DUS2: variants seen among roughly 807,000 people sequenced by gnomAD.
The protein encoded by DUS2 is dihydrouridine synthase 2, also known as tRNA-dihydrouridine(20) synthase [NAD(P)+]-like.
In DUS2, 52 loss-of-function variants were observed where a neutral mutation model predicts 71.3. The observed-to-expected ratio is 0.73, with a 90% CI of 0.58 to 0.92. The LOEUF (loss-of-function observed/expected upper bound fraction) is 0.92, where lower values mean the gene tolerates loss of function less well. Among genes scored for constraint, DUS2 ranks in the 40% least tolerant of loss-of-function variants. The pLI is 0.00. For missense variants in DUS2, 558 were observed against 622.6 expected (o/e 0.90, Z 1.10); for synonymous variants, 204 against 227.8 (o/e 0.90, Z 0.94).
At chr16:68,037,310 G>A (rs1327924068) in intron 2 of DUS2, among the ~76,000 whole-genome samples, 1 of 151,914 alleles carries the variant, frequency 6.6e-6, no homozygotes, top group Non-Finnish European at 1.5e-5. Flanking sequence ...CAGGCCAGGT[G>A]CAGTGGCTCA....
At chr16:68,070,254 C>G (rs758797832) in intron 11 of DUS2, 34 bp downstream of exon 11, 4 of 1,576,670 alleles carry the variant, frequency 2.5e-6, no homozygotes, top group East Asian at 4.5e-5. Context: ...TACTCTGTGT[C>G]CCACAGAGCT....
chr16:68,028,407 G>A (rs529942918), intron 2 of DUS2, among the ~76,000 whole-genome samples: 10 of 152,160 alleles, frequency 6.6e-5, no homozygotes, highest in Admixed American at 2.6e-4. Flanking sequence ...AGGCCAAGGC[G>A]GGTGAATCAC....
At chr16:68,048,190 G>T (rs1485873317) in intron 3 of DUS2, among the ~76,000 whole-genome samples, 1 of 152,190 alleles carries the variant, frequency 6.6e-6, no homozygotes, top group Non-Finnish European at 1.5e-5. Flanking sequence ...TAGCTTAATT[G>T]TTAGCTAATA....
intron 5 of DUS2, 149 bp from the exon 6 acceptor site, chr16:68,054,425 A>G: frequency 1.3e-6 from 1 of 781,958 alleles, no homozygotes; most frequent in Non-Finnish European, 2.2e-6. Context: ...GAGCTAGTCT[A>G]GTGGGCTGGC....
At chr16:68,052,040 A>C (rs1236567423) in intron 4 of DUS2, among the ~76,000 whole-genome samples, 2 of 151,876 alleles carry the variant, frequency 1.3e-5, no homozygotes, top group Non-Finnish European at 2.9e-5. Flanking sequence ...TGGGGACTAC[A>C]GGTGTGTGCC....
chr16:68,023,443 A>G, intron 1 of DUS2, 92 bp downstream of exon 1: 1 of 554,922 alleles, frequency 1.8e-6, no homozygotes, highest in South Asian at 2.5e-5. Flanking sequence ...GGCTGGCGAT[A>G]CGAGGCGGCA....
At chr16:68,054,516 G>C in intron 5 of DUS2, 58 bp from the exon 6 acceptor site, 1 of 1,591,438 alleles carries the variant, frequency 6.3e-7, no homozygotes, top group Non-Finnish European at 8.6e-7. Flanking sequence ...GGGTGTGTTT[G>C]TCAGTGCATG....
intron 7 of DUS2, among the ~76,000 whole-genome samples, chr16:68,060,076 T>C (rs2033918499): frequency 6.6e-6 from 1 of 152,162 alleles, no homozygotes; most frequent in Admixed American, 6.5e-5. Context: ...TTAGTAGCTT[T>C]GCTGGTGGTG....
chr16:68,035,628 A>G (rs998016585), intron 2 of DUS2, among the ~76,000 whole-genome samples: 7 of 150,456 alleles, frequency 4.7e-5, no homozygotes, highest in East Asian at 3.9e-4. Context: ...GCCTCAAGCA[A>G]TCCTCCTGCC....
chr16:68,066,476 G>A (rs758705271), intron 9 of DUS2, 90 bp from the exon 10 acceptor site: 2 of 1,588,730 alleles, frequency 1.3e-6, no homozygotes, highest in South Asian at 1.1e-5. Flanking sequence ...ATTAGGCTTG[G>A]AGGAGAGAGT....
intron 12 of DUS2, 65 bp downstream of exon 12, chr16:68,071,173 C>A: frequency 6.4e-7 from 1 of 1,565,434 alleles, no homozygotes; most frequent in Non-Finnish European, 8.8e-7. Context: ...GCAGAGAGCA[C>A]TTTGTGTGAG....
intron 15 of DUS2, chr16:68,078,207 G>C (rs2034185818): frequency 1.8e-6 from 1 of 557,022 alleles, no homozygotes; most frequent in Non-Finnish European, 3.2e-6. Context: ...GTCATGTGCA[G>C]CTAAGGGCTC....
At chr16:68,065,434 A>C (rs2033992341) in intron 8 of DUS2, among the ~76,000 whole-genome samples, 1 of 150,836 alleles carries the variant, frequency 6.6e-6, no homozygotes, top group South Asian at 2.1e-4. Context: ...CAAGCCTGTC[A>C]TCCCAGGACT....
chr16:68,045,108 A>G (rs1278383214), intron 3 of DUS2, among the ~76,000 whole-genome samples: 1 of 152,088 alleles, frequency 6.6e-6, no homozygotes, highest in East Asian at 1.9e-4. Context: ...ATTCTTTTAG[A>G]TGTTATTACA....
intron 2 of DUS2, among the ~76,000 whole-genome samples, chr16:68,029,860 T>C (rs2033412517): frequency 6.6e-6 from 1 of 151,552 alleles, no homozygotes; most frequent in Non-Finnish European, 1.5e-5. Flanking sequence ...CCCAACACTT[T>C]GGGAGGCTGA....
intron 2 of DUS2, among the ~76,000 whole-genome samples, chr16:68,029,418 G>A (rs2033405578): frequency 6.6e-6 from 1 of 151,862 alleles, no homozygotes; most frequent in African/African-American, 2.4e-5. Context: ...TAGGATTACA[G>A]GTGTGAGCTA....
At chr16:68,065,062 A>G (rs566968258) in intron 8 of DUS2, among the ~76,000 whole-genome samples, 1 of 152,318 alleles carries the variant, frequency 6.6e-6, no homozygotes, top group African/African-American at 2.4e-5. Context: ...ACAGACATGC[A>G]GTGTCATCTA....
intron 2 of DUS2, among the ~76,000 whole-genome samples, chr16:68,035,014 A>G (rs1271260617): frequency 6.6e-6 from 1 of 152,184 alleles, no homozygotes; most frequent in East Asian, 1.9e-4. Context: ...AAAAAAAAAC[A>G]AAAACATAAT....
intron 3 of DUS2, among the ~76,000 whole-genome samples, chr16:68,039,187 G>T (rs1010977426): frequency 2.6e-5 from 4 of 152,106 alleles, no homozygotes; most frequent in African/African-American, 9.7e-5. Flanking sequence ...AGAGGTAAAA[G>T]AATGAGAAAA....
Sources: gnomAD v4.1 joint callset for allele counts (sites outside exome capture counted in the v4.1 genomes callset) on GRCh38, gnomAD v4.1.1 for gene constraint, MANE v1.5 for transcripts, NCBI Gene and HGNC (gene_info 2026-07-23, HGNC 2026-07-21) for gene names.